KIRREL3: variants seen among roughly 807,000 people sequenced by gnomAD.
The protein encoded by KIRREL3 is kirre like nephrin family adhesion molecule 3.
In KIRREL3, 36 loss-of-function variants were observed where a neutral mutation model predicts 89.7. The observed-to-expected ratio is 0.40, with a 90% CI of 0.31 to 0.53. The LOEUF (loss-of-function observed/expected upper bound fraction) is 0.53. Ranked by LOEUF, KIRREL3 falls within the 20% of genes least tolerant of loss-of-function variation. The probability of loss-of-function intolerance (pLI) is 0.49; values close to 1 mark genes in which losing one functional copy is unlikely to be tolerated. For synonymous variants in KIRREL3, 445 were observed against 441.4 expected (o/e 1.01, Z -0.10); for missense variants, 864 against 1,056.6 (o/e 0.82, Z 2.53).
chr11:126,450,899 G>T (rs573495889), intron 7 of KIRREL3, among the ~76,000 whole-genome samples: 2 of 150,998 alleles, frequency 1.3e-5, no homozygotes, highest in African/African-American at 2.4e-5. Flanking sequence ...GTGCGTGTGT[G>T]CATGTGCGTG....
intron 1 of KIRREL3, among the ~76,000 whole-genome samples, chr11:126,737,233 G>A (rs1948832048): frequency 1.3e-5 from 2 of 152,220 alleles, no homozygotes; most frequent in South Asian, 2.1e-4. Flanking sequence ...AGGGAGTGGG[G>A]AGGAGCAGGG....
Position 126,579,820 on chromosome 11 carries a change from T to C in KIRREL3, c.56-16908A>G, listed in dbSNP as rs566258843. On this transcript the variant is annotated intron_variant, in intron 1 of 16. Transcript: ENST00000525144. The surrounding 1 kb of genome is among the most constrained non-coding windows in gnomAD (Gnocchi z 5.3). ...CTGTTCGCCTGTCTGTCTCCTTGAA[T>C]TGTGAGGTCCTTAAAAGAGGGAGCC... is the stretch of plus-strand genomic sequence containing the variant. Among the ~76,000 whole-genome samples, 3 of 149,154 alleles carry C rather than the reference T, an allele frequency of 2.0e-5. No individual in the cohort carries two copies. In the East Asian group the frequency reaches 6.1e-4, roughly 30 times the overall value.
In KIRREL3 at chr11:126,995,855, C is replaced by G; in HGVS notation, c.55+4600G>C. On this transcript the variant is annotated intron_variant, in intron 1 of 16. Transcript: ENST00000525144. The surrounding 1 kb of genome is among the most constrained non-coding windows in gnomAD (Gnocchi z 6.5). ...TTCGGGCCTAATCTCCTGCTCCACC[C>G]CATCTCCTGCTGGCCCTGGCTTCCA... 6.6e-6 allele frequency among the ~76,000 whole-genome samples: 1 copy of G among 152,194 alleles called. No individual in the cohort carries two copies. The highest frequency in any genetic ancestry group is 2.1e-4 in the South Asian group (1 of 4,830).
chr11:126,678,848 GA>G (rs1946323230), intron 1 of KIRREL3, among the ~76,000 whole-genome samples: 1 of 152,156 alleles, frequency 6.6e-6, no homozygotes, highest in Non-Finnish European at 1.5e-5. Context: ...TCAGCAAAAG[GA>G]AAGATGGCTG....
rs544696963 is a variant in KIRREL3, at chr11:126,739,684, G to C, written c.56-176772C>G. 6.6e-6 allele frequency among the ~76,000 whole-genome samples: 1 copy of C among 152,314 alleles called. No homozygotes were observed. Among genetic ancestry groups the C allele is most frequent in the East Asian group, 1.9e-4 (1 of 5,182 alleles). On this transcript the variant is annotated intron_variant, in intron 1 of 16. Coordinates refer to ENST00000525144, the MANE Select transcript of KIRREL3 (RefSeq NM_032531.4). The surrounding 1 kb of genome is among the most constrained non-coding windows in gnomAD (Gnocchi z 5.5). ...AAGGTATGTGTGGAGGTACTATGCA[G>C]GCAAACCAGCCCACAAGGGATGCTC... is the stretch of plus-strand genomic sequence containing the variant.
At chr11:126,701,414 C>T (rs535011464) in intron 1 of KIRREL3, among the ~76,000 whole-genome samples, 3 of 152,034 alleles carry the variant, frequency 2.0e-5, no homozygotes, top group East Asian at 1.9e-4. Flanking sequence ...TACAAAAGGA[C>T]ATCTAAGAGG....
intron 1 of KIRREL3, among the ~76,000 whole-genome samples, chr11:126,973,100 GA>G (rs11449960): frequency 1.0e-4 from 12 of 119,628 alleles, no homozygotes; most frequent in African/African-American, 2.9e-4. Context: ...AAGTTTTGAG[GA>G]AAAAAAAAAA....
At position 126,750,541 on chromosome 11, in the gene KIRREL3, T is replaced by C. The variant is rs1949300889; in HGVS notation, c.56-187629A>G. Among the ~76,000 whole-genome samples, 1 of 152,210 alleles carries C rather than the reference T, an allele frequency of 6.6e-6. No individual in the cohort carries two copies. Among genetic ancestry groups the C allele is most frequent in the Non-Finnish European group, 1.5e-5 (1 of 68,036 alleles). ...GCAGCTAGGCTTTTCTTAGGGCAACTGGGCTGGGCCAGGGTCACTAGCCTG... is the reference window on the plus strand; with the variant it reads ...GCAGCTAGGCTTTTCTTAGGGCAACCGGGCTGGGCCAGGGTCACTAGCCTG... On this transcript the variant is annotated intron_variant, in intron 1 of 16. Coordinates refer to ENST00000525144, the MANE Select transcript of KIRREL3 (RefSeq NM_032531.4). The surrounding 1 kb of genome is among the most constrained non-coding windows in gnomAD (Gnocchi z 4.2).
chr11:126,483,515 C>T (rs79520632), intron 4 of KIRREL3, among the ~76,000 whole-genome samples: 3,247 of 152,308 alleles, frequency 0.021, 120 homozygotes, highest in African/African-American at 0.069. Flanking sequence ...ACTGGGCCCA[C>T]GGCATCAACT....
intron 1 of KIRREL3, among the ~76,000 whole-genome samples, chr11:126,663,786 T>G (rs1358436119): frequency 1.3e-5 from 2 of 152,092 alleles, no homozygotes; most frequent in Non-Finnish European, 2.9e-5. Context: ...AAAAGGAGAG[T>G]GAGAGACTTG....
At position 126,813,951 on chromosome 11, in the gene KIRREL3, G is replaced by GA. The variant is rs560314227; in HGVS notation, c.55+186503dup. On this transcript the variant is annotated intron_variant, in intron 1 of 16. Transcript: ENST00000525144. ...ACTCAAGAGCTTCTGTACAGCGAAA[G>GA]AAACTATCATCAGAGTAAACAGACA... Among the ~76,000 whole-genome samples the GA allele has an allele frequency of 9.1e-4, 138 of 152,156 alleles. 3 individuals carry two copies. Among genetic ancestry groups the GA allele is most frequent in the African/African-American group, 3.0e-3 (126 of 41,496 alleles).
intron 1 of KIRREL3, among the ~76,000 whole-genome samples, chr11:126,716,230 G>A (rs1053863532): frequency 6.6e-6 from 1 of 151,706 alleles, no homozygotes; most frequent in African/African-American, 2.4e-5. Context: ...GGAAGGGAGG[G>A]AGCTGGAGAG....
chr11:126,637,699 T>C (rs1434957678), intron 1 of KIRREL3, among the ~76,000 whole-genome samples: 2 of 152,216 alleles, frequency 1.3e-5, no homozygotes, highest in Non-Finnish European at 2.9e-5. Flanking sequence ...TGGATATCTC[T>C]GCGGATGGTC....
Position 126,656,205 on chromosome 11 carries a change from ACTCCG to A in KIRREL3, c.56-93298_56-93294del, listed in dbSNP as rs1331801854. On this transcript the variant is annotated intron_variant, in intron 1 of 16. Transcript: ENST00000525144. This position sits in a 1 kb window ranked among gnomAD's most constrained non-coding sequence, Gnocchi z 4.0. ...GGTCAGGGAGGGCTACAGAGTTAGGACTCCGAAGTCAGAAAGATGCCTGTTGGTTC... is the reference window on the plus strand; with the variant it reads ...GGTCAGGGAGGGCTACAGAGTTAGGAAAGTCAGAAAGATGCCTGTTGGTTC... 8.8e-6 allele frequency: 4 copies of A among 455,758 alleles called. No individual in the cohort carries two copies. The highest frequency in any genetic ancestry group is 1.8e-5 in the Non-Finnish European group (4 of 226,788). 28.2% of individuals were successfully genotyped at this position (455,758 alleles called of 1,614,324 possible).
intron 1 of KIRREL3, among the ~76,000 whole-genome samples, chr11:126,732,533 C>T (rs1225799047): frequency 5.9e-5 from 9 of 152,206 alleles, no homozygotes; most frequent in Non-Finnish European, 1.3e-4. Context: ...CAGCTCATAA[C>T]AACAGCCAAT....
chr11:126,892,667 C>T lies in KIRREL3; in HGVS notation c.55+107788G>A, dbSNP rs900582110. Among the ~76,000 whole-genome samples, 3 of 152,112 alleles carry T rather than the reference C, an allele frequency of 2.0e-5. No individual in the cohort carries two copies. Among genetic ancestry groups the T allele is most frequent in the African/African-American group, 7.2e-5 (3 of 41,416 alleles). On this transcript the variant is annotated intron_variant, in intron 1 of 16. Transcript: ENST00000525144. The surrounding 1 kb of genome is among the most constrained non-coding windows in gnomAD (Gnocchi z 5.4). ...GGGCAGGTGTGGCTGGAGGCATGACCCCTTTTCTCTGGTTGATTTCATCTC... is the reference window on the plus strand; with the variant it reads ...GGGCAGGTGTGGCTGGAGGCATGACTCCTTTTCTCTGGTTGATTTCATCTC...
Position 126,508,118 on chromosome 11 carries a change from C to A in KIRREL3, c.433+13197G>T, listed in dbSNP as rs1431198138. Among the ~76,000 whole-genome samples the A allele has an allele frequency of 1.3e-5, 2 of 152,212 alleles. No homozygotes were observed. Among genetic ancestry groups the A allele is most frequent in the Non-Finnish European group, 2.9e-5 (2 of 68,046 alleles). ...TGCACCACTGAAGCTGCTGGGTGATCTCTCAGCTGCTAACATTGTTTCTGA... is the reference window on the plus strand; with the variant it reads ...TGCACCACTGAAGCTGCTGGGTGATATCTCAGCTGCTAACATTGTTTCTGA... On this transcript the variant is annotated intron_variant, in intron 4 of 16. Coordinates refer to ENST00000525144, the MANE Select transcript of KIRREL3 (RefSeq NM_032531.4). This position sits in a 1 kb window ranked among gnomAD's most constrained non-coding sequence, Gnocchi z 4.9.
At position 126,522,218 on chromosome 11, in the gene KIRREL3, T is replaced by C. The variant is rs1958621173; in HGVS notation, c.284-754A>G. Among the ~76,000 whole-genome samples, 2 of 151,006 alleles carry C rather than the reference T, an allele frequency of 1.3e-5. No individual in the cohort carries two copies. Among genetic ancestry groups the C allele is most frequent in the South Asian group, 2.1e-4 (1 of 4,754 alleles). ...CAAGCAGACATGCATTTTGATAAGA[T>C]AGAGAGGAGAGAGAGAGAGACAGAC... On this transcript the variant is annotated intron_variant, in intron 3 of 16. Transcript: ENST00000525144. This position sits in a 1 kb window ranked among gnomAD's most constrained non-coding sequence, Gnocchi z 6.0.
Position 126,521,656 on chromosome 11 carries a change from T to TTTTC in KIRREL3, c.284-193_284-192insGAAA, listed in dbSNP as rs758699835. 1.3e-4 allele frequency among the ~76,000 whole-genome samples: 19 copies of TTTTC among 148,272 alleles called. No homozygotes were observed. Among genetic ancestry groups the TTTTC allele is most frequent in the Admixed American group, 2.7e-4 (4 of 14,916 alleles). ...TTTCCCAAGGCATTGAAGGTGTTGG[T>TTTTC]TCTCTCTCTCTCTCTCTGTATGTGT... On this transcript the variant is annotated intron_variant, in intron 3 of 16. Transcript: ENST00000525144. The surrounding 1 kb of genome is among the most constrained non-coding windows in gnomAD (Gnocchi z 4.1).
Sources: gnomAD v4.1 joint callset for allele counts (sites outside exome capture counted in the v4.1 genomes callset) on GRCh38, gnomAD v4.1.1 for gene constraint, Gnocchi (gnomAD v3.1) non-coding constraint, MANE v1.5 for transcripts, NCBI Gene and HGNC (gene_info 2026-07-23, HGNC 2026-07-21) for gene names.